COL4A4: variants seen among roughly 807,000 people sequenced by gnomAD.
The protein encoded by COL4A4 is collagen alpha-4(IV) chain.
COL4A4 carries 105 observed loss-of-function variants against 192.9 expected under a neutral mutation model. That is an observed-to-expected ratio of 0.54 (90% CI 0.46 to 0.64). The LOEUF (loss-of-function observed/expected upper bound fraction) is 0.64. Among genes scored for constraint, COL4A4 ranks in the 30% least tolerant of loss-of-function variants. COL4A4 has a pLI of 0.00. For missense variants in COL4A4, 1,967 were observed against 2,169.3 expected (o/e 0.91, Z 1.85); for synonymous variants, 762 against 769.9 (o/e 0.99, Z 0.17).
At chr2:227,067,230 A>T (rs1356453955) in intron 25 of COL4A4, among the ~76,000 whole-genome samples, 2 of 152,068 alleles carry the variant, frequency 1.3e-5, no homozygotes, top group East Asian at 3.9e-4. Context: ...GTCCTGAGTG[A>T]CCTACAAAGA....
chr2:227,134,246 C>G (rs745352022), intron 4 of COL4A4, among the ~76,000 whole-genome samples: 17 of 152,164 alleles, frequency 1.1e-4, no homozygotes, highest in Non-Finnish European at 2.4e-4. Flanking sequence ...CAGCTGTTCC[C>G]CAAGGACATC....
intron 4 of COL4A4, among the ~76,000 whole-genome samples, chr2:227,136,836 G>T (rs982923767): frequency 1.3e-5 from 2 of 152,176 alleles, no homozygotes; most frequent in African/African-American, 4.8e-5. Flanking sequence ...CCACTTGAAG[G>T]CTGTGCAGCC....
intron 17 of COL4A4, among the ~76,000 whole-genome samples, chr2:227,100,951 C>G (rs1000880369): frequency 3.3e-5 from 5 of 151,834 alleles, no homozygotes; most frequent in Non-Finnish European, 7.4e-5. Context: ...ACTACAGGCG[C>G]CCACCACCAC....
chr2:227,154,231 A>G (rs1472591576), intron 1 of COL4A4, among the ~76,000 whole-genome samples: 1 of 152,134 alleles, frequency 6.6e-6, no homozygotes, highest in African/African-American at 2.4e-5. Context: ...CTGGACTCCA[A>G]TTCCCCTGGG....
chr2:227,085,623 T>C (rs2059561076), intron 22 of COL4A4, among the ~76,000 whole-genome samples: 4 of 152,108 alleles, frequency 2.6e-5, no homozygotes, highest in Admixed American at 1.3e-4. Context: ...GTGTATCACA[T>C]GGTGAGAGAG....
In COL4A4 at chr2:227,049,558, AT is replaced by A. The variant is rs967096991; in HGVS notation, c.3214+509del. 2.4e-3 allele frequency among the ~76,000 whole-genome samples: 364 copies of A among 152,308 alleles called. 2 individuals are homozygous for A. Among genetic ancestry groups the A allele is most frequent in the African/African-American group, 6.4e-3 (266 of 41,574 alleles). On this transcript the variant is annotated intron_variant, in intron 34 of 47. Transcript: ENST00000396625. ...CTATAGTAAAAAAATAATAATAATA[AT>A]AAAAAACCCAATTGTAAATTACATC... is the stretch of plus-strand genomic sequence containing the variant.
chr2:227,049,955 G>A (rs1973718340), intron 34 of COL4A4, 113 bp downstream of exon 34: 1 of 948,620 alleles, frequency 1.1e-6, no homozygotes. Flanking sequence ...CCCCTTGGGT[G>A]TTGCAGTTTC....
chr2:226,999,657 TATA>T (rs1472527273), downstream of COL4A4, among the ~76,000 whole-genome samples: 10 of 152,122 alleles, frequency 6.6e-5, no homozygotes, highest in African/African-American at 2.2e-4. Flanking sequence ...ATGTTGCTAA[TATA>T]ATAGAAATCA....
intron 3 of COL4A4, among the ~76,000 whole-genome samples, chr2:227,141,718 A>G (rs1360643518): frequency 6.6e-6 from 1 of 152,216 alleles, no homozygotes; most frequent in African/African-American, 2.4e-5. Flanking sequence ...TTAAAAATGT[A>G]TTTGAAGTTT....
Position 227,103,114 on chromosome 2 carries a change from G to A in COL4A4, c.870+30C>T, listed in dbSNP as rs555782168. The A allele has an allele frequency of 1.0e-5, 14 of 1,400,540 alleles. No homozygotes were observed. The South Asian group carries it at 1.4e-4, about 14-fold the overall frequency. 86.8% of individuals were successfully genotyped at this position (1,400,540 alleles called of 1,614,324 possible). ...AGTTAAGATAGTACATCACACAAATGAAAAAAAAAAAGGTACTTAAATAAA... is the reference window on the plus strand; with the variant it reads ...AGTTAAGATAGTACATCACACAAATAAAAAAAAAAAAGGTACTTAAATAAA... On this transcript the variant is annotated intron_variant, in intron 14 of 47. Coordinates refer to ENST00000396625, the MANE Select transcript of COL4A4 (RefSeq NM_000092.5).
chr2:227,082,083 T>C, intron 23 of COL4A4, 32 bp downstream of exon 23: 4 of 1,581,098 alleles, frequency 2.5e-6, no homozygotes, highest in Non-Finnish European at 3.5e-6. Flanking sequence ...ATTCATAAAA[T>C]GGCAGGGAGT....
At chr2:227,062,128 C>T (rs1977235493) in intron 26 of COL4A4, among the ~76,000 whole-genome samples, 1 of 151,546 alleles carries the variant, frequency 6.6e-6, no homozygotes, top group Admixed American at 6.6e-5. Flanking sequence ...GTCCCAGCTA[C>T]TTGGAAGACT....
intron 37 of COL4A4, among the ~76,000 whole-genome samples, chr2:227,035,455 C>G (rs1318841152): frequency 2.0e-5 from 3 of 150,472 alleles, no homozygotes; most frequent in African/African-American, 7.4e-5. Flanking sequence ...ATCATCAGTA[C>G]TTGAAACAGA....
chr2:227,022,085 G>T lies in COL4A4; in HGVS notation c.4179C>A (p.Ala1393=). The change falls in exon 44 of 48, where the codon GCC becomes GCA. Residue 1393 remains alanine (A), a synonymous_variant. Transcript: ENST00000396625. ...GGCCTCTCATTCCAGGGAGCCCCAT[G>T]GCTCCTTCTGGTCCTCTCATGCCTG... ...GAPGMRGPEG[A]MGLPGMRGPS... is the part of the protein sequence containing the mutation. 1.9e-6 allele frequency: 3 copies of T among 1,614,106 alleles called. No homozygotes were observed. Among genetic ancestry groups the T allele is most frequent in the Non-Finnish European group, 2.5e-6 (3 of 1,179,980 alleles).
rs763434195 is a variant in COL4A4, at chr2:227,089,851, C to CT, written c.1459+16dup. The CT allele has an allele frequency of 1.3e-4, 201 of 1,598,086 alleles. No individual in the cohort carries two copies. The highest frequency in any genetic ancestry group is 1.6e-4 in the Non-Finnish European group (183 of 1,165,882). On this transcript the variant is annotated intron_variant, in intron 21 of 47. Transcript: ENST00000396625. ...TACAGTTGTCTTCTAGAAATTCTAC[C>CT]TTTGGTGCCTACTTGCCTTTTTCTC...
intron 19 of COL4A4, among the ~76,000 whole-genome samples, chr2:227,097,716 T>C (rs1272302726): frequency 6.6e-6 from 1 of 152,220 alleles, no homozygotes; most frequent in South Asian, 2.1e-4. Flanking sequence ...GGCTGTGCTA[T>C]CTAAAGGTTA....
chr2:227,043,247 AAGTTC>A, intron 35 of COL4A4, 63 bp from the exon 36 acceptor site: 1 of 1,316,446 alleles, frequency 7.6e-7, no homozygotes, highest in East Asian at 2.3e-5. Flanking sequence ...TAAAATCACC[AAGTTC>A]AGCCCACCCT....
At chr2:227,066,517 T>G (rs1332520103) in intron 25 of COL4A4, among the ~76,000 whole-genome samples, 2 of 152,186 alleles carry the variant, frequency 1.3e-5, no homozygotes, top group Non-Finnish European at 2.9e-5. Flanking sequence ...CAGTGGATCT[T>G]TCGGCAGAAA....
chr2:226,981,216 A>C, the COL4A4 span, among the ~76,000 whole-genome samples: 3 of 152,228 alleles, frequency 2.0e-5, no homozygotes, highest in South Asian at 6.2e-4. Flanking sequence ...GGGGCCTGTC[A>C]TGGGGTGAGG....
Sources: gnomAD v4.1 joint callset for allele counts (sites outside exome capture counted in the v4.1 genomes callset) on GRCh38, gnomAD v4.1.1 for gene constraint, MANE v1.5 for transcripts, NCBI Gene and HGNC (gene_info 2026-07-23, HGNC 2026-07-21) for gene names.